RASGRF2: variants seen among roughly 807,000 people sequenced by gnomAD.
RASGRF2 encodes Ras protein specific guanine nucleotide releasing factor 2, also known as ras-specific guanine nucleotide-releasing factor 2.
RASGRF2 carries 76 observed loss-of-function variants against 151.0 expected under a neutral mutation model. That is an observed-to-expected ratio of 0.50 (90% CI 0.42 to 0.61). The LOEUF is 0.61. Among genes scored for constraint, RASGRF2 ranks in the 20% least tolerant of loss-of-function variants. The probability of loss-of-function intolerance (pLI) is 0.00; values close to 1 mark genes in which losing one functional copy is unlikely to be tolerated. For missense variants in RASGRF2, 1,148 were observed against 1,564.6 expected (o/e 0.73, Z 4.49); for synonymous variants, 504 against 566.5 (o/e 0.89, Z 1.57).
At chr5:81,020,530 T>A (rs1285928490) in intron 1 of RASGRF2, among the ~76,000 whole-genome samples, 3 of 152,176 alleles carry the variant, frequency 2.0e-5, no homozygotes, top group African/African-American at 7.2e-5. Flanking sequence ...TCTGTGTGCC[T>A]GGCAAAGTGC....
intron 17 of RASGRF2, among the ~76,000 whole-genome samples, chr5:81,158,370 G>T (rs908328906): frequency 6.6e-6 from 1 of 152,084 alleles, no homozygotes. Context: ...AAACATAGGA[G>T]AAATTGTTAG....
intron 17 of RASGRF2, among the ~76,000 whole-genome samples, chr5:81,152,396 TTA>T (rs1294851890): frequency 2.6e-5 from 4 of 152,168 alleles, no homozygotes; most frequent in Non-Finnish European, 4.4e-5. Context: ...CACCAATGAT[TTA>T]TATATTGTTC....
chr5:81,156,141 G>GAA (rs35407668), intron 17 of RASGRF2, among the ~76,000 whole-genome samples: 7 of 149,658 alleles, frequency 4.7e-5, no homozygotes, highest in African/African-American at 7.4e-5. Flanking sequence ...TTCAAAAGAA[G>GAA]AAAAAAAAAA....
chr5:81,148,492 A>T (rs1354830664), intron 17 of RASGRF2, among the ~76,000 whole-genome samples: 1 of 152,186 alleles, frequency 6.6e-6, no homozygotes, highest in Non-Finnish European at 1.5e-5. Flanking sequence ...ATTGATATAC[A>T]TAGAAGACAT....
chr5:80,964,079 A>G (rs1163315152), intron 1 of RASGRF2, among the ~76,000 whole-genome samples: 1 of 151,502 alleles, frequency 6.6e-6, no homozygotes, highest in African/African-American at 2.4e-5. Flanking sequence ...AAATATGCTT[A>G]GATTGTAGGA....
At chr5:81,067,087 G>A (rs1751630228) in intron 2 of RASGRF2, among the ~76,000 whole-genome samples, 1 of 152,196 alleles carries the variant, frequency 6.6e-6, no homozygotes, top group African/African-American at 2.4e-5. Context: ...CTAGCTGTGC[G>A]ATCTGAGGTC....
At chr5:80,966,774 A>G (rs1300200775) in intron 1 of RASGRF2, among the ~76,000 whole-genome samples, 1 of 152,208 alleles carries the variant, frequency 6.6e-6, no homozygotes, top group East Asian at 1.9e-4. Flanking sequence ...TTGAAAAACT[A>G]ATGATTTAAT....
In RASGRF2 at chr5:81,070,576, A is replaced by G; in HGVS notation, c.628A>G (p.Lys210Glu). The G allele has an allele frequency of 6.2e-7, 1 of 1,603,838 alleles. No individual in the cohort carries two copies. The highest frequency in any genetic ancestry group is 8.5e-7 in the Non-Finnish European group (1 of 1,170,772). Residue 210 changes from lysine to glutamate, a missense_variant, in exon 4 of 27, where the codon AAA (lysine) becomes GAA (glutamate). This residue lies in a region of RASGRF2 where 221 missense variants were observed against 271.3 expected (regional missense o/e 0.81). Coordinates refer to ENST00000265080, the MANE Select transcript of RASGRF2 (RefSeq NM_006909.3). ...EDEDPDIKKI[K>E]KVQSFMRGWL... ...CGAAGATCCAGACATCAAGAAGATTAAAAAGGTAGGGCCTGGAGGTTTCCA... is the reference window on the plus strand; with the variant it reads ...CGAAGATCCAGACATCAAGAAGATTGAAAAGGTAGGGCCTGGAGGTTTCCA...
intron 1 of RASGRF2, among the ~76,000 whole-genome samples, chr5:80,978,814 A>G (rs867733524): frequency 5.3e-5 from 8 of 152,112 alleles, no homozygotes; most frequent in African/African-American, 1.9e-4. Context: ...AGGGGGGGAA[A>G]CAAAACTGGG....
chr5:80,968,925 TCTC>T (rs1747812986), intron 1 of RASGRF2, among the ~76,000 whole-genome samples: 1 of 151,846 alleles, frequency 6.6e-6, no homozygotes, highest in Admixed American at 6.6e-5. Context: ...CTCAAGCAAT[TCTC>T]CTACCTTGGC....
intron 17 of RASGRF2, among the ~76,000 whole-genome samples, chr5:81,129,281 A>C (rs1753553173): frequency 6.6e-6 from 1 of 152,176 alleles, no homozygotes; most frequent in African/African-American, 2.4e-5. Flanking sequence ...GCCATTTTTC[A>C]CCTTTGTGGT....
chr5:81,008,485 T>C (rs1415229075), intron 1 of RASGRF2, among the ~76,000 whole-genome samples: 2 of 152,182 alleles, frequency 1.3e-5, no homozygotes, highest in East Asian at 1.9e-4. Flanking sequence ...TTTAGCACTT[T>C]GACACATCTT....
Position 81,226,770 on chromosome 5 carries a change from T to G in RASGRF2, c.*1000T>G, listed in dbSNP as rs539817325. ...ACTATGAACATTGGCTGTATTTTTT[T>G]TAAACAGTTTAGTGAAATTTTCTTT... On this transcript the variant is annotated 3_prime_UTR_variant, in exon 27 of 27. Transcript: ENST00000265080. 2.6e-5 allele frequency: 4 copies of G among 152,260 alleles called. No individual in the cohort carries two copies. Among genetic ancestry groups the G allele is most frequent in the Non-Finnish European group, 5.9e-5 (4 of 68,044 alleles). 9.4% of individuals were successfully genotyped at this position (152,260 alleles called of 1,614,324 possible).
chr5:81,225,165 A>G (rs1755945596), intron 26 of RASGRF2, among the ~76,000 whole-genome samples: 2 of 152,196 alleles, frequency 1.3e-5, no homozygotes, highest in African/African-American at 4.8e-5. Context: ...CTAACAAGGA[A>G]TTCACTGAAA....
chr5:81,208,613 G>A (rs957606197), intron 22 of RASGRF2, among the ~76,000 whole-genome samples, 175 bp downstream of exon 22: 17 of 139,648 alleles, frequency 1.2e-4, no homozygotes, highest in Non-Finnish European at 1.8e-4. Context: ...GTGCAATGGC[G>A]TGATCTCAGC....
intron 25 of RASGRF2, among the ~76,000 whole-genome samples, chr5:81,219,228 G>A (rs534664072): frequency 1.4e-4 from 22 of 152,074 alleles, no homozygotes; most frequent in Admixed American, 1.2e-3. Context: ...ACAAGCCCAC[G>A]ACACCACACC....
intron 2 of RASGRF2, among the ~76,000 whole-genome samples, chr5:81,056,078 G>C (rs1445733372): frequency 6.6e-6 from 1 of 151,996 alleles, no homozygotes; most frequent in African/African-American, 2.4e-5. Context: ...CAAAAAACCA[G>C]CTCCTGGATT....
intron 2 of RASGRF2, among the ~76,000 whole-genome samples, chr5:81,052,797 G>A (rs560512912): frequency 4.6e-5 from 7 of 152,180 alleles, no homozygotes; most frequent in African/African-American, 1.4e-4. Context: ...CTGTACTATT[G>A]TCATCCATGC....
At chr5:81,002,510 T>C (rs1156653435) in intron 1 of RASGRF2, among the ~76,000 whole-genome samples, 1 of 152,190 alleles carries the variant, frequency 6.6e-6, no homozygotes, top group African/African-American at 2.4e-5. Flanking sequence ...ATATTTTCTG[T>C]GACTCAGAAA....
Sources: gnomAD v4.1 joint callset for allele counts (sites outside exome capture counted in the v4.1 genomes callset) on GRCh38, gnomAD v4.1.1 for gene constraint, gnomAD v4.1.1 regional missense constraint, MANE v1.5 for transcripts, NCBI Gene and HGNC (gene_info 2026-07-23, HGNC 2026-07-21) for gene names.